The following PTPRD variants were observed in gnomAD, a reference collection of about 807,000 sequenced individuals.
PTPRD encodes the protein receptor-type tyrosine-protein phosphatase delta.
Under a neutral mutation model 214.5 loss-of-function variants are expected in PTPRD, and 34 were observed. The ratio of observed to expected loss-of-function variants is 0.16; its 90% CI spans 0.12 to 0.21. PTPRD has a LOEUF of 0.21. PTPRD is among the 10% of genes least tolerant of loss of function. PTPRD has a pLI of 1.00. For synonymous variants in PTPRD, 1,128 were observed against 845.7 expected, an observed-to-expected ratio of 1.33 and a Z score of -5.79; for missense variants, 2,545 against 2,398.7, an observed-to-expected ratio of 1.06 and a Z score of -1.27.
chr9:9,887,544 C>A (rs916786154), intron 5 of PTPRD, among the ~76,000 whole-genome samples: 6 of 152,118 alleles, frequency 3.9e-5, no homozygotes, highest in Non-Finnish European at 8.8e-5. Context: ...AGGGGCAGAA[C>A]AACATTAGAT....
intron 11 of PTPRD, among the ~76,000 whole-genome samples, chr9:8,837,010 A>G (rs1291150786): frequency 6.8e-6 from 1 of 146,898 alleles, no homozygotes; most frequent in Admixed American, 6.8e-5. Context: ...TACAGGCGTG[A>G]GCCACCACAC....
chr9:9,894,293 G>T (rs1003039764), intron 5 of PTPRD, among the ~76,000 whole-genome samples: 1 of 151,918 alleles, frequency 6.6e-6, no homozygotes, highest in Non-Finnish European at 1.5e-5. Context: ...TCAGATTATA[G>T]TATCTCCTCA....
chr9:9,727,813 G>A (rs373848590), intron 7 of PTPRD, among the ~76,000 whole-genome samples: 8 of 152,280 alleles, frequency 5.3e-5, no homozygotes, highest in South Asian at 4.1e-4. Flanking sequence ...GAAAGCTATC[G>A]TAGGTATGTA....
At chr9:9,233,222 C>A (rs1272873282) in intron 9 of PTPRD, among the ~76,000 whole-genome samples, 1 of 152,158 alleles carries the variant, frequency 6.6e-6, no homozygotes, top group Non-Finnish European at 1.5e-5. Flanking sequence ...GGCACCTCTT[C>A]TGAGGGTGGC....
chr9:8,787,744 A>G (rs372442422), intron 11 of PTPRD, among the ~76,000 whole-genome samples: 2 of 152,226 alleles, frequency 1.3e-5, no homozygotes, highest in African/African-American at 2.4e-5. Flanking sequence ...ATTAGGTCTC[A>G]TAACTACATC....
chr9:9,559,578 C>T (rs932359491), intron 8 of PTPRD, among the ~76,000 whole-genome samples: 1 of 152,218 alleles, frequency 6.6e-6, no homozygotes, highest in Non-Finnish European at 1.5e-5. Flanking sequence ...AGGGGCATTG[C>T]TGTTTCTAAC....
chr9:9,960,240 G>C (rs1285603485), intron 4 of PTPRD, among the ~76,000 whole-genome samples: 1 of 140,916 alleles, frequency 7.1e-6, no homozygotes, highest in East Asian at 1.9e-4. Context: ...AAAAAAAATA[G>C]TGTGTCAAAG....
chr9:10,452,705 T>A (rs1341217386), intron 2 of PTPRD, among the ~76,000 whole-genome samples: 3 of 151,782 alleles, frequency 2.0e-5, no homozygotes, highest in African/African-American at 7.2e-5. Flanking sequence ...GTTGTATGAG[T>A]TTCTTATATA....
At chr9:8,529,443 T>G (rs1459928801) in intron 14 of PTPRD, among the ~76,000 whole-genome samples, 1 of 152,138 alleles carries the variant, frequency 6.6e-6, no homozygotes, top group Non-Finnish European at 1.5e-5. Context: ...AAGCAACTCC[T>G]TATTAATGGC....
intron 5 of PTPRD, among the ~76,000 whole-genome samples, chr9:9,781,605 T>C (rs555569599): frequency 3.3e-5 from 5 of 152,234 alleles, no homozygotes; most frequent in African/African-American, 4.8e-5. Context: ...CACACTGAAA[T>C]ACAGTAGGTG....
chr9:10,464,300 G>A (rs979761160), intron 2 of PTPRD, among the ~76,000 whole-genome samples: 9 of 151,930 alleles, frequency 5.9e-5, no homozygotes, highest in African/African-American at 9.7e-5. Flanking sequence ...AGAATTGCTC[G>A]AACCCGGAGG....
At chr9:9,212,968 T>C (rs7021332) in intron 9 of PTPRD, among the ~76,000 whole-genome samples, 1 of 152,238 alleles carries the variant, frequency 6.6e-6, no homozygotes, top group African/African-American at 2.4e-5. Context: ...TCTAAGATTC[T>C]ATAGATTCTA....
intron 39 of PTPRD, among the ~76,000 whole-genome samples, chr9:8,367,739 T>C (rs1294101179): frequency 1.3e-5 from 2 of 152,202 alleles, no homozygotes. Context: ...ATAGTATTCT[T>C]TGTGGACATT....
chr9:10,246,123 A>T (rs1042463587), intron 3 of PTPRD, among the ~76,000 whole-genome samples: 1 of 152,106 alleles, frequency 6.6e-6, no homozygotes, highest in Admixed American at 6.5e-5. Flanking sequence ...GAATAATCCA[A>T]CTCTTAAATA....
At chr9:9,705,894 G>A (rs1363459258) in intron 7 of PTPRD, among the ~76,000 whole-genome samples, 1 of 152,140 alleles carries the variant, frequency 6.6e-6, no homozygotes, top group Non-Finnish European at 1.5e-5. Context: ...CTCAAAGAGA[G>A]GTAGTATGGC....
At chr9:8,650,706 G>C (rs1190229544) in intron 12 of PTPRD, among the ~76,000 whole-genome samples, 2 of 152,094 alleles carry the variant, frequency 1.3e-5, no homozygotes, top group Admixed American at 6.5e-5. Flanking sequence ...TACCCTGACA[G>C]AGATCATATT....
chr9:9,017,916 C>G (rs553497781), intron 11 of PTPRD, among the ~76,000 whole-genome samples: 1 of 152,062 alleles, frequency 6.6e-6, no homozygotes, highest in Non-Finnish European at 1.5e-5. Flanking sequence ...TATCGTGTCT[C>G]TATATTTAGT....
chr9:9,803,715 A>T (rs919283662), intron 5 of PTPRD: 5 of 152,012 alleles, frequency 3.3e-5, no homozygotes, highest in Admixed American at 3.3e-4. Flanking sequence ...CTTTTCTTTC[A>T]GGAAAGAAAC....
At chr9:10,116,249 G>C (rs2098730372) in intron 3 of PTPRD, among the ~76,000 whole-genome samples, 1 of 152,078 alleles carries the variant, frequency 6.6e-6, no homozygotes, top group Non-Finnish European at 1.5e-5. Context: ...GTCTGAATTA[G>C]ATCCTATGCT....
Sources: gnomAD v4.1 joint callset for allele counts (sites outside exome capture counted in the v4.1 genomes callset) on GRCh38, gnomAD v4.1.1 for gene constraint, MANE v1.5 for transcripts, NCBI Gene and HGNC (gene_info 2026-07-23, HGNC 2026-07-21) for gene names.